Variants in IFT122 observed in about 807,000 individuals in gnomAD.
The protein encoded by IFT122 is intraflagellar transport protein 122 homolog.
A neutral mutation model predicts 161.6 loss-of-function variants in IFT122; 118 were observed. The ratio of observed to expected loss-of-function variants is 0.73; its 90% confidence interval spans 0.63 to 0.85. The LOEUF (loss-of-function observed/expected upper bound fraction) is 0.85. IFT122 is among the 40% of genes least tolerant of loss of function. The pLI is 0.00. For missense variants in IFT122, 1,381 were observed against 1,579.6 expected (o/e 0.87, Z 2.13); for synonymous variants, 550 against 602.4 (o/e 0.91, Z 1.27).
rs1559979963 is a variant in IFT122, at chr3:129,502,726, C to A, written c.2391C>A (p.Ala797=). The part of the protein sequence containing the change: ...HGWVDMLIDI[A]RKLDKAEREP... ...CCCTCTCCAGGTTGATCGACATCGCCCGCAAACTGGACAAGGCTGAGCGCG... is the reference window on the plus strand; with the variant it reads ...CCCTCTCCAGGTTGATCGACATCGCACGCAAACTGGACAAGGCTGAGCGCG... The change falls in exon 20 of 30, where the codon GCC becomes GCA. Residue 797 remains alanine (A), a synonymous_variant. Transcript: ENST00000348417. 6.2e-7 allele frequency: 1 copy of A among 1,608,592 alleles called. No individual in the cohort carries two copies. The highest frequency in any genetic ancestry group is 8.5e-7 in the Non-Finnish European group (1 of 1,180,016).
At chr3:129,468,727 C>T (rs936488042) in intron 8 of IFT122, among the ~76,000 whole-genome samples, 6 of 152,188 alleles carry the variant, frequency 3.9e-5, no homozygotes, top group Non-Finnish European at 5.9e-5. Context: ...GTCCTACAGT[C>T]CCAGCCCCAC....
At chr3:129,482,845 G>A in intron 14 of IFT122, among the ~76,000 whole-genome samples, 1 of 152,196 alleles carries the variant, frequency 6.6e-6, no homozygotes, top group East Asian at 1.9e-4. Flanking sequence ...CTAGCTCAGT[G>A]TTGAGCACAA....
chr3:129,508,916 C>T (rs1305163303), intron 23 of IFT122, among the ~76,000 whole-genome samples: 2 of 152,182 alleles, frequency 1.3e-5, no homozygotes, highest in Non-Finnish European at 2.9e-5. Flanking sequence ...TTGCAGTTTT[C>T]GGTGCATCTC....
At chr3:129,462,626 C>T (rs2076314160) in intron 5 of IFT122, among the ~76,000 whole-genome samples, 1 of 152,220 alleles carries the variant, frequency 6.6e-6, no homozygotes, top group African/African-American at 2.4e-5. Context: ...GTGCACACGT[C>T]AAAATGTTTG....
chr3:129,506,380 C>G, intron 21 of IFT122, 29 bp from the exon 22 acceptor site: 1 of 1,611,226 alleles, frequency 6.2e-7, no homozygotes, highest in Non-Finnish European at 8.5e-7. Flanking sequence ...ATAGCATGTG[C>G]TTTTTTCCTC....
intron 23 of IFT122, among the ~76,000 whole-genome samples, chr3:129,508,583 A>G (rs2082436974): frequency 6.6e-6 from 1 of 152,242 alleles, no homozygotes; most frequent in Non-Finnish European, 1.5e-5. Flanking sequence ...AGGCTCAAAC[A>G]CATCTTTATT....
In IFT122 at chr3:129,458,760, G is replaced by A. The variant is rs1469065811; in HGVS notation, c.272+83G>A. On this transcript the variant is annotated intron_variant, in intron 4 of 29. Transcript: ENST00000348417. Reference sequence around the variant, plus strand: ...AAAGCCTCTTAGAAAAGATGTAGGAGAAAACTTTTTTCTCTTAAATTGAAC... The same window carrying A: ...AAAGCCTCTTAGAAAAGATGTAGGAAAAAACTTTTTTCTCTTAAATTGAAC... The A allele has an allele frequency of 2.7e-6, 3 of 1,119,878 alleles. No individual in the cohort carries two copies. In the African/African-American group the frequency reaches 4.6e-5, roughly 17 times the overall value. 69.4% of individuals were successfully genotyped at this position (1,119,878 alleles called of 1,614,324 possible).
chr3:129,462,628 A>G (rs1349691175), intron 5 of IFT122, among the ~76,000 whole-genome samples: 1 of 152,256 alleles, frequency 6.6e-6, no homozygotes, highest in Non-Finnish European at 1.5e-5. Context: ...GCACACGTCA[A>G]AATGTTTGGA....
Position 129,463,951 on chromosome 3 carries a change from A to T in IFT122, c.416+325A>T, listed in dbSNP as rs560218010. 3.3e-5 allele frequency among the ~76,000 whole-genome samples: 5 copies of T among 152,334 alleles called. No individual in the cohort carries two copies. The South Asian group carries it at 8.3e-4, about 25-fold the overall frequency. On this transcript the variant is annotated intron_variant, in intron 6 of 29. Coordinates refer to ENST00000348417, the MANE Select transcript of IFT122 (RefSeq NM_052989.3). ...TGGGGAAGAAAGCTTTCCCTCCCAC[A>T]CTTTGATGCTAGACCTGAATTAGAA...
intron 14 of IFT122, among the ~76,000 whole-genome samples, chr3:129,482,421 A>G (rs1245595011): frequency 6.6e-6 from 1 of 152,048 alleles, no homozygotes; most frequent in African/African-American, 2.4e-5. Context: ...GTTCCCCCCA[A>G]AGCTGGAGCC....
Position 129,482,084 on chromosome 3 carries a change from C to T in IFT122, c.1653+390C>T, listed in dbSNP as rs746446315. Among the ~76,000 whole-genome samples the T allele has an allele frequency of 6.6e-5, 10 of 152,368 alleles. No individual in the cohort carries two copies. In the East Asian group the frequency reaches 9.6e-4, roughly 15 times the overall value. ...AAGTCTGTGTCTCACCTGCTGCAGG[C>T]CTGCCTGTGTCTATGCGCACCTACA... On this transcript the variant is annotated intron_variant, in intron 14 of 29. Coordinates refer to ENST00000348417, the MANE Select transcript of IFT122 (RefSeq NM_052989.3).
intron 9 of IFT122, among the ~76,000 whole-genome samples, chr3:129,474,013 T>G (rs7622615): frequency 0.025 from 3,737 of 152,290 alleles, 135 homozygotes; most frequent in African/African-American, 0.082. Context: ...TCATAAGAAT[T>G]TTTAGTTTTC....
chr3:129,509,591 CTAAAA>C (rs2082565260), intron 23 of IFT122, among the ~76,000 whole-genome samples: 2 of 152,122 alleles, frequency 1.3e-5, no homozygotes, highest in African/African-American at 4.8e-5. Flanking sequence ...TTTGCATAGT[CTAAAA>C]TAAACAGTAA....
At chr3:129,501,064 G>C (rs1016678120) in intron 19 of IFT122, among the ~76,000 whole-genome samples, 2 of 152,110 alleles carry the variant, frequency 1.3e-5, no homozygotes, top group African/African-American at 4.8e-5. Flanking sequence ...CATTCGTCAA[G>C]GTGGACAACA....
At chr3:129,514,918 G>C (rs2108652984) in intron 25 of IFT122, 3 of 410,490 alleles carry the variant, frequency 7.3e-6, no homozygotes, top group South Asian at 6.6e-5. Context: ...GCCCTTTCTG[G>C]AACCAGGCTG....
rs1052199894 is a variant in IFT122 at position 129,514,879 on chromosome 3, C to T, written c.3153+325C>T. ...TCTGCCTTTACCCCAGGCCTGGCCC[C>T]AGAGCTGACTCTTACTCTAGAAACC... On this transcript the variant is annotated intron_variant, in intron 25 of 29. Transcript: ENST00000348417. The T allele has an allele frequency of 8.4e-6, 4 of 476,980 alleles. No homozygotes were observed. In the Admixed American group the frequency reaches 1.3e-4, roughly 16 times the overall value. The allele number at this position is 476,980 out of a possible 1,614,324, so 29.5% of individuals were successfully genotyped here. A position where few individuals can be genotyped will look rare whatever the true frequency, so the allele number is the denominator to read the frequency against.
At chr3:129,509,041 A>G (rs2082489321) in intron 23 of IFT122, among the ~76,000 whole-genome samples, 2 of 152,124 alleles carry the variant, frequency 1.3e-5, no homozygotes, top group Non-Finnish European at 2.9e-5. Context: ...TTTTTGGTGC[A>G]AGTTTGGCTT....
chr3:129,462,782 C>T (rs997121621), intron 5 of IFT122, among the ~76,000 whole-genome samples: 7 of 152,186 alleles, frequency 4.6e-5, no homozygotes, highest in Non-Finnish European at 7.3e-5. Context: ...TCTAGACATA[C>T]ACTTGCTATG....
intron 9 of IFT122, among the ~76,000 whole-genome samples, chr3:129,474,833 AGG>A (rs1418533963): frequency 2.0e-5 from 3 of 152,162 alleles, no homozygotes; most frequent in African/African-American, 7.2e-5. Context: ...TATCTGATAA[AGG>A]ACTTGTATCT....
Sources: gnomAD v4.1 joint callset for allele counts (sites outside exome capture counted in the v4.1 genomes callset) on GRCh38, gnomAD v4.1.1 for gene constraint, MANE v1.5 for transcripts, NCBI Gene and HGNC (gene_info 2026-07-23, HGNC 2026-07-21) for gene names.